The following FIP1L1 variants were observed in gnomAD, a reference collection of about 807,000 sequenced individuals.
FIP1L1 encodes factor interacting with PAPOLA and CPSF1, also known as pre-mRNA 3'-end-processing factor FIP1.
In FIP1L1, 21 loss-of-function variants were observed where a neutral mutation model predicts 84.6. The ratio of observed to expected loss-of-function variants is 0.25; its 90% CI spans 0.18 to 0.36. FIP1L1 has a LOEUF of 0.36. Among genes scored for constraint, FIP1L1 ranks in the 10% least tolerant of loss-of-function variants. The pLI is 1.00. For missense variants in FIP1L1, 526 were observed against 751.1 expected (o/e 0.70, Z 3.50); for synonymous variants, 263 against 242.3 (o/e 1.09, Z -0.80).
At chr4:53,405,829 G>A (rs1205708757) in intron 10 of FIP1L1, among the ~76,000 whole-genome samples, 3 of 151,524 alleles carry the variant, frequency 2.0e-5, no homozygotes, top group Non-Finnish European at 4.4e-5. Context: ...TGGTGTATAA[G>A]AATGCTTGTG....
chr4:53,407,769 G>A (rs1360616116), intron 10 of FIP1L1, among the ~76,000 whole-genome samples: 1 of 152,062 alleles, frequency 6.6e-6, no homozygotes, highest in Non-Finnish European at 1.5e-5. Context: ...TGTCTCTTTT[G>A]ATCTTTGTTG....
chr4:53,377,793 G>C lies in FIP1L1; in HGVS notation c.-46G>C. The stretch of plus-strand genomic sequence containing the variant: ...GGGCTGCGAGGCTGGGGAAGGGGTT[G>C]GAGGGGGCTGTTGATCGCCGCGTTT... On this transcript the variant is annotated 5_prime_UTR_variant, in exon 1 of 18. Transcript: ENST00000337488. The C allele has an allele frequency of 1.3e-6, 2 of 1,502,942 alleles. No individual in the cohort carries two copies. The highest frequency in any genetic ancestry group is 1.8e-6 in the Non-Finnish European group (2 of 1,117,758). The allele number at this position is 1,502,942 out of a possible 1,614,324, so 93.1% of individuals were successfully genotyped here. A position where few individuals can be genotyped will look rare whatever the true frequency, so the allele number is the denominator to read the frequency against.
At chr4:53,458,594 T>C in intron 16 of FIP1L1, 59 bp from the exon 17 acceptor site, 5 of 1,564,324 alleles carry the variant, frequency 3.2e-6, no homozygotes, top group Non-Finnish European at 4.3e-6. Flanking sequence ...TTTTACAGTT[T>C]GAATCCATTC....
Position 53,417,761 on chromosome 4 carries a change from ACACTCTCTCTCTCTCTCTCTCT to A in FIP1L1, c.923+3041_923+3062del, listed in dbSNP as rs1253969745. 5.6e-3 allele frequency among the ~76,000 whole-genome samples: 125 copies of A among 22,500 alleles called. 3 individuals carry two copies. Among genetic ancestry groups the A allele is most frequent in the East Asian group, 0.01 (8 of 776 alleles). The allele number at this position is 22,500 out of a possible 152,430, so 14.8% of individuals were successfully genotyped here. A position where few individuals can be genotyped will look rare whatever the true frequency, so the allele number is the denominator to read the frequency against. ...TAAACACACACACACACACACACAC[ACACTCTCTCTCTCTCTCTCTCT>A]CTCTCTCTCTCTCTCTCTCTCTCTC... On this transcript the variant is annotated intron_variant, in intron 11 of 17. Transcript: ENST00000337488.
In FIP1L1 at chr4:53,452,905, G is replaced by C. The variant is rs201475947; in HGVS notation, c.1286-15G>C. The C allele has an allele frequency of 1.2e-6, 2 of 1,608,170 alleles. No individual in the cohort carries two copies. The highest frequency in any genetic ancestry group is 1.7e-6 in the Non-Finnish European group (2 of 1,176,970). ...AGTACCATAACGTTTGTTTTTAATC[G>C]TGTTTTTTCTTTAGTTGCCTTTCCC... is the stretch of plus-strand genomic sequence containing the variant. On this transcript the variant is annotated splice_polypyrimidine_tract_variant and intron_variant, in intron 15 of 17. Transcript: ENST00000337488.
chr4:53,437,431 T>C (rs2150156048), intron 13 of FIP1L1, among the ~76,000 whole-genome samples: 1 of 151,616 alleles, frequency 6.6e-6, no homozygotes, highest in Admixed American at 6.6e-5. Context: ...CATAGGTAGA[T>C]GCTTTTGTTT....
Position 53,425,874 on chromosome 4 carries a change from G to A in FIP1L1, c.926G>A (p.Arg309Lys). Residue 309 changes from arginine (R) to lysine (K), a missense_variant and splice_region_variant, in exon 12 of 18, where the codon AGA (arginine) becomes AAA (lysine). Around this residue, in one of 6 missense-constraint regions of FIP1L1, gnomAD observed 80 missense variants for 151.1 expected, o/e 0.53. Coordinates refer to ENST00000337488, the MANE Select transcript of FIP1L1 (RefSeq NM_030917.4). ...TTGATTCAATTTTTATGTTACAGGA[G>A]ATTACCTGGGGCAATTGATGTTATC... Reference protein sequence around the residue: ...YGRAESPDLRRLPGAIDVIGQ... With the variant: ...YGRAESPDLRKLPGAIDVIGQ... 1 of 1,607,900 alleles carries A rather than the reference G, an allele frequency of 6.2e-7. No homozygotes were observed. Among genetic ancestry groups the A allele is most frequent in the African/African-American group, 1.3e-5 (1 of 74,888 alleles).
rs1739472415 is a variant in FIP1L1, at chr4:53,383,962, C to A, written c.332+86C>A. On this transcript the variant is annotated intron_variant, in intron 5 of 17. Transcript: ENST00000337488. ...TATATCAAACTCTCAGTGGTTGAGTCCATTGTTTTTACATTTTTCTATTTT... is the reference window on the plus strand; with the variant it reads ...TATATCAAACTCTCAGTGGTTGAGTACATTGTTTTTACATTTTTCTATTTT... 3.4e-6 allele frequency: 4 copies of A among 1,193,058 alleles called. No homozygotes were observed. In the African/African-American group the frequency reaches 6.2e-5, roughly 18 times the overall value. 73.9% of individuals were successfully genotyped at this position (1,193,058 alleles called of 1,614,324 possible).
chr4:53,406,559 G>A (rs1394166623), intron 10 of FIP1L1, among the ~76,000 whole-genome samples: 1 of 152,116 alleles, frequency 6.6e-6, no homozygotes, highest in African/African-American at 2.4e-5. Context: ...TTTTTCTATT[G>A]ATTGGAATAG....
chr4:53,388,852 A>G (rs1742596746), intron 5 of FIP1L1, among the ~76,000 whole-genome samples: 1 of 152,248 alleles, frequency 6.6e-6, no homozygotes, highest in African/African-American at 2.4e-5. Context: ...TAAAAATGCA[A>G]TGAATTATTC....
intron 13 of FIP1L1, chr4:53,440,505 TG>T (rs1771433113): frequency 1.1e-6 from 1 of 882,444 alleles, no homozygotes; most frequent in Non-Finnish European, 1.8e-6. Flanking sequence ...TTTCAAAGTT[TG>T]TTTTGGTGAT....
intron 13 of FIP1L1, among the ~76,000 whole-genome samples, chr4:53,429,802 G>A (rs1376709380): frequency 6.6e-6 from 1 of 151,858 alleles, no homozygotes; most frequent in Non-Finnish European, 1.5e-5. Context: ...ACATTTTTTT[G>A]TGGAGAGAAC....
rs372302903 is a variant in FIP1L1 at position 53,437,637 on chromosome 4, G to A, written c.1175-5016G>A. ...CTGAATCAGAAATTCTAGGGGAAGGGCCCAGCAATCTGTGTGTTTTAAGAG... is the reference window on the plus strand; with the variant it reads ...CTGAATCAGAAATTCTAGGGGAAGGACCCAGCAATCTGTGTGTTTTAAGAG... On this transcript the variant is annotated intron_variant, in intron 13 of 17. Transcript: ENST00000337488. Among the ~76,000 whole-genome samples the A allele has an allele frequency of 3.4e-4, 52 of 152,008 alleles. No homozygotes were observed. In the South Asian group the frequency reaches 9.8e-3, roughly 29 times the overall value.
At chr4:53,454,096 T>C (rs1717634122) in intron 16 of FIP1L1, among the ~76,000 whole-genome samples, 1 of 152,228 alleles carries the variant, frequency 6.6e-6, no homozygotes. Context: ...TTTTCTTGTA[T>C]GTGTTTTAAA....
chr4:53,427,479 C>T (rs1177870442), intron 12 of FIP1L1, among the ~76,000 whole-genome samples: 1 of 152,160 alleles, frequency 6.6e-6, no homozygotes, highest in African/African-American at 2.4e-5. Context: ...AGTTACAAGG[C>T]TCACATGATA....
At position 53,377,664 on chromosome 4, in the gene FIP1L1, C is replaced by T. The variant is rs765099893; in HGVS notation, c.-175C>T. On this transcript the variant is annotated 5_prime_UTR_variant, in exon 1 of 18. Coordinates refer to ENST00000337488, the MANE Select transcript of FIP1L1 (RefSeq NM_030917.4). ...CTGCGCATGCGCAGACGGACCTGCGCTGGAGGCTTCATCTTTGCCGCCGCT... is the reference window on the plus strand; with the variant it reads ...CTGCGCATGCGCAGACGGACCTGCGTTGGAGGCTTCATCTTTGCCGCCGCT... 1.7e-6 allele frequency: 1 copy of T among 585,890 alleles called. No homozygotes were observed. The highest frequency in any genetic ancestry group is 2.9e-6 in the Non-Finnish European group (1 of 345,314). 36.3% of individuals were successfully genotyped at this position (585,890 alleles called of 1,614,324 possible).
At chr4:53,381,676 T>A (rs191128076) in intron 3 of FIP1L1, among the ~76,000 whole-genome samples, 174 of 151,866 alleles carry the variant, frequency 1.1e-3, no homozygotes, top group African/African-American at 3.6e-3. Context: ...CATATATTTT[T>A]AAAATGTGTA....
chr4:53,426,705 TATC>T (rs1461946984), intron 12 of FIP1L1, among the ~76,000 whole-genome samples: 1 of 152,202 alleles, frequency 6.6e-6, no homozygotes, highest in African/African-American at 2.4e-5. Flanking sequence ...CATCTAAAAT[TATC>T]ATTTGTATGT....
chr4:53,426,528 A>G (rs1386894232), intron 12 of FIP1L1, among the ~76,000 whole-genome samples: 3 of 152,140 alleles, frequency 2.0e-5, no homozygotes, highest in African/African-American at 7.2e-5. Flanking sequence ...TTCAGATTTC[A>G]GATTTTTGGA....
Sources: gnomAD v4.1 joint callset for allele counts (sites outside exome capture counted in the v4.1 genomes callset) on GRCh38, gnomAD v4.1.1 for gene constraint, gnomAD v4.1.1 regional missense constraint, MANE v1.5 for transcripts, NCBI Gene and HGNC (gene_info 2026-07-23, HGNC 2026-07-21) for gene names.